The following PCDHA10 variants were observed in gnomAD, a reference collection of about 807,000 sequenced individuals.
PCDHA10 encodes protocadherin alpha-10.
PCDHA10 carries 45 observed loss-of-function variants against 61.2 expected under a neutral mutation model. The ratio of observed to expected loss-of-function variants is 0.74; its 90% confidence interval spans 0.58 to 0.94. PCDHA10 has a LOEUF of 0.94. PCDHA10 is among the 40% of genes least tolerant of loss of function. The pLI, the probability that PCDHA10 is intolerant of heterozygous loss-of-function variation, is 0.00. For synonymous variants in PCDHA10, 602 were observed against 548.8 expected, an observed-to-expected ratio of 1.10 and a Z score of -1.35; for missense variants, 1,278 against 1,236.2, an observed-to-expected ratio of 1.03 and a Z score of -0.51.
chr5:140,881,494 A>G (rs1483226847), intron 1 of PCDHA10: 1 of 293,548 alleles, frequency 3.4e-6, no homozygotes, highest in African/African-American at 2.3e-5. Flanking sequence ...GTTTATGCAC[A>G]TACACACACT....
intron 1 of PCDHA10, among the ~76,000 whole-genome samples, chr5:140,926,178 GC>G (rs1221259064): frequency 6.6e-6 from 1 of 151,700 alleles, no homozygotes; most frequent in South Asian, 2.2e-4. Flanking sequence ...AGCGCGGAAA[GC>G]CCCCCGCAGC....
At chr5:140,909,561 C>G (rs1281989854) in intron 1 of PCDHA10, among the ~76,000 whole-genome samples, 1 of 152,110 alleles carries the variant, frequency 6.6e-6, no homozygotes, top group Non-Finnish European at 1.5e-5. Flanking sequence ...TCTCTGCAAC[C>G]CATCCAGAGA....
At chr5:140,956,181 T>C (rs1351584707) in intron 1 of PCDHA10, among the ~76,000 whole-genome samples, 1 of 152,212 alleles carries the variant, frequency 6.6e-6, no homozygotes, top group South Asian at 2.1e-4. Flanking sequence ...CTTCCAATAC[T>C]ATGCTGAATA....
At chr5:140,991,595 C>G (rs181014489) in intron 3 of PCDHA10, among the ~76,000 whole-genome samples, 1 of 152,328 alleles carries the variant, frequency 6.6e-6, no homozygotes, top group African/African-American at 2.4e-5. Flanking sequence ...TACCTGAGCC[C>G]TCACTGGCAG....
chr5:140,928,573 A>G (rs1353807568), intron 1 of PCDHA10: 2 of 1,614,110 alleles, frequency 1.2e-6, no homozygotes, highest in African/African-American at 1.3e-5. Context: ...TCCCTTGCCC[A>G]GAAATGGTTC....
At position 140,857,911 on chromosome 5, in the gene PCDHA10, T is replaced by C. The variant is rs144216608; in HGVS notation, c.1863T>C (p.Phe621=). The change falls in exon 1 of 4, where the codon TTT becomes TTC. Residue 621 remains phenylalanine, a synonymous_variant. Transcript: ENST00000307360. ...CGGCGGTTGGTGCACGCATCCCGTT[T>C]CGCGTGGGGCTGTACACGGGCGAGA... The part of the protein sequence containing the change: ...QSAAVGARIP[F]RVGLYTGEIS... 4,248 of 1,597,856 alleles carry C rather than the reference T, an allele frequency of 2.7e-3. 342 individuals are homozygous for C. Among genetic ancestry groups the C allele is most frequent in the Middle Eastern group, 0.01 (61 of 5,986 alleles).
At chr5:140,995,168 A>G (rs1554254492) in intron 3 of PCDHA10, among the ~76,000 whole-genome samples, 1 of 152,186 alleles carries the variant, frequency 6.6e-6, no homozygotes. Context: ...ATGTTCTTTC[A>G]TAGGTGCACC....
chr5:140,877,255 C>A (rs1554169516), intron 1 of PCDHA10: 2 of 1,613,708 alleles, frequency 1.2e-6, no homozygotes, highest in Non-Finnish European at 8.5e-7. Flanking sequence ...GGCGAAAGTG[C>A]GCGCGGTGGA....
intron 1 of PCDHA10, chr5:140,877,241 T>G (rs1554169505): frequency 1.2e-6 from 2 of 1,613,670 alleles, no homozygotes; most frequent in Non-Finnish European, 1.7e-6. Flanking sequence ...GCGGGCCACG[T>G]GGTGGCGAAA....
At chr5:140,966,268 A>C (rs542154117) in intron 1 of PCDHA10, 5 of 351,754 alleles carry the variant, frequency 1.4e-5, no homozygotes, top group African/African-American at 1.0e-4. Context: ...AGACTGGATG[A>C]ACTGGACAGT....
At chr5:140,934,561 TTTAA>T (rs549996624) in intron 1 of PCDHA10, among the ~76,000 whole-genome samples, 1 of 152,208 alleles carries the variant, frequency 6.6e-6, no homozygotes, top group South Asian at 2.1e-4. Flanking sequence ...TCTTCTTTTT[TTTAA>T]TTAATTGTAA....
At chr5:140,975,779 A>G (rs1439511378) in intron 1 of PCDHA10, among the ~76,000 whole-genome samples, 1 of 152,118 alleles carries the variant, frequency 6.6e-6, no homozygotes, top group Non-Finnish European at 1.5e-5. Context: ...TAATACCATT[A>G]CAAGATAAAT....
intron 1 of PCDHA10, chr5:140,866,782 C>A (rs1318646938): frequency 1.3e-5 from 2 of 152,160 alleles, no homozygotes; most frequent in Admixed American, 6.5e-5. Context: ...TATGTCCTGA[C>A]TGATATAGTA....
chr5:140,959,471 C>T (rs910729465), intron 1 of PCDHA10, among the ~76,000 whole-genome samples: 3 of 151,970 alleles, frequency 2.0e-5, no homozygotes, highest in African/African-American at 7.3e-5. Context: ...TGGCATCAAT[C>T]AAGGCATATT....
intron 1 of PCDHA10, among the ~76,000 whole-genome samples, chr5:140,937,501 C>T (rs2091550832): frequency 6.6e-6 from 1 of 152,126 alleles, no homozygotes; most frequent in Admixed American, 6.5e-5. Context: ...CCCGTAATCC[C>T]AGCTACTCAG....
chr5:140,981,612 T>C (rs2096940396), intron 2 of PCDHA10, among the ~76,000 whole-genome samples: 1 of 152,110 alleles, frequency 6.6e-6, no homozygotes, highest in Non-Finnish European at 1.5e-5. Context: ...CCTCTAATTT[T>C]GATGAGGGTT....
chr5:140,917,030 G>A (rs1220107705), intron 1 of PCDHA10, among the ~76,000 whole-genome samples: 3 of 152,164 alleles, frequency 2.0e-5, no homozygotes, highest in Non-Finnish European at 4.4e-5. Context: ...GCTGCTGGCT[G>A]AGTCCAGCAC....
intron 1 of PCDHA10, among the ~76,000 whole-genome samples, chr5:140,901,955 G>A (rs2069015305): frequency 6.6e-6 from 1 of 151,848 alleles, no homozygotes; most frequent in Admixed American, 6.6e-5. Flanking sequence ...TTTTATTCGT[G>A]GCTATCGTAA....
intron 1 of PCDHA10, chr5:140,869,754 G>A (rs781808579): frequency 1.2e-6 from 2 of 1,613,182 alleles, no homozygotes; most frequent in Admixed American, 1.7e-5. Context: ...CTACAGACGG[G>A]GGAAAACCAG....
Sources: allele counts gnomAD v4.1 joint callset (sites outside exome capture counted in the v4.1 genomes callset), GRCh38; gene constraint gnomAD v4.1.1; transcripts MANE v1.5; gene names NCBI Gene and HGNC (gene_info 2026-07-23, HGNC 2026-07-21).